Variants in RAPGEF6 observed in about 807,000 individuals in gnomAD.
The protein encoded by RAPGEF6 is Rap guanine nucleotide exchange factor 6.
A neutral mutation model predicts 171.4 loss-of-function variants in RAPGEF6; 56 were observed. That is an observed-to-expected ratio of 0.33 (90% CI 0.26 to 0.41). The LOEUF is 0.41. Ranked by LOEUF, RAPGEF6 falls within the 10% of genes least tolerant of loss-of-function variation. RAPGEF6 has a pLI of 1.00. For synonymous variants in RAPGEF6, 692 were observed against 650.1 expected (o/e 1.06, Z -0.98); for missense variants, 1,674 against 1,921.4 (o/e 0.87, Z 2.41).
intron 16 of RAPGEF6, among the ~76,000 whole-genome samples, chr5:131,477,460 T>C (rs898619645): frequency 6.6e-6 from 1 of 152,354 alleles, no homozygotes; most frequent in African/African-American, 2.4e-5. Flanking sequence ...TAAGCAAAAC[T>C]ATTTTTACCA....
chr5:131,521,265 T>G (rs1276560755), intron 7 of RAPGEF6, 125 bp downstream of exon 7: 1 of 1,031,582 alleles, frequency 9.7e-7, no homozygotes, highest in East Asian at 2.9e-5. Context: ...AAAGCTTATT[T>G]TTCTAAAGAC....
intron 24 of RAPGEF6, chr5:131,436,423 A>G (rs1390514727): frequency 2.1e-6 from 3 of 1,458,882 alleles, no homozygotes; most frequent in Admixed American, 2.2e-5. Context: ...GTCAATCACA[A>G]TTAGCCTTGT....
chr5:131,511,860 GA>G (rs1388299694), intron 7 of RAPGEF6, among the ~76,000 whole-genome samples: 1 of 152,078 alleles, frequency 6.6e-6, no homozygotes, highest in African/African-American at 2.4e-5. Context: ...ATTACAGTGG[GA>G]AACAGTGCCC....
At position 131,455,798 on chromosome 5, in the gene RAPGEF6, T is replaced by C; in HGVS notation, c.3076+3A>G. On this transcript the variant is annotated splice_donor_region_variant and intron_variant, in intron 20 of 27. Coordinates refer to ENST00000509018, the MANE Select transcript of RAPGEF6 (RefSeq NM_016340.6). ...AAAACATCAATAAATAATGTTTTCA[T>C]ACCTTCATGTAGAAATGTCATATCT... 1.2e-6 allele frequency: 2 copies of C among 1,606,632 alleles called. No homozygotes were observed. The highest frequency in any genetic ancestry group is 1.7e-6 in the Non-Finnish European group (2 of 1,174,182).
intron 6 of RAPGEF6, among the ~76,000 whole-genome samples, chr5:131,529,502 G>C (rs1561539395): frequency 6.6e-6 from 1 of 150,432 alleles, no homozygotes; most frequent in African/African-American, 2.5e-5. Context: ...TCTCACAACT[G>C]AAGACGAAAG....
intron 15 of RAPGEF6, among the ~76,000 whole-genome samples, chr5:131,482,850 T>C (rs1755581741): frequency 6.6e-6 from 1 of 152,228 alleles, no homozygotes; most frequent in Non-Finnish European, 1.5e-5. Context: ...GGATGAGTAA[T>C]CTTAGGTAGA....
chr5:131,468,185 A>C (rs1338344332), intron 17 of RAPGEF6, among the ~76,000 whole-genome samples: 2 of 151,698 alleles, frequency 1.3e-5, no homozygotes, highest in African/African-American at 4.8e-5. Context: ...CAAAAAAATT[A>C]GCTGGGCGTG....
At chr5:131,516,069 T>C (rs1415733931) in intron 7 of RAPGEF6, among the ~76,000 whole-genome samples, 6 of 5,894 alleles carry the variant, frequency 1.0e-3, no homozygotes, top group African/African-American at 4.1e-3. Context: ...TTTTTTTTTT[T>C]TTTTTTTTTT....
intron 15 of RAPGEF6, among the ~76,000 whole-genome samples, chr5:131,485,998 A>G (rs1022747188): frequency 1.3e-5 from 2 of 152,310 alleles, no homozygotes; most frequent in Non-Finnish European, 1.5e-5. Flanking sequence ...TATCCTCTAA[A>G]GAACATATTT....
At position 131,585,301 on chromosome 5, in the gene RAPGEF6, C is replaced by CT. The variant is rs1273834719; in HGVS notation, c.281+7081_281+7082insA. 5.2e-3 allele frequency among the ~76,000 whole-genome samples: 754 copies of CT among 143,634 alleles called. 9 individuals are homozygous for CT. Among genetic ancestry groups the CT allele is most frequent in the African/African-American group, 4.1e-3 (143 of 35,226 alleles). The allele number at this position is 143,634 out of a possible 152,430, so 94.2% of individuals were successfully genotyped here. A position where few individuals can be genotyped will look rare whatever the true frequency, so the allele number is the denominator to read the frequency against. ...AAAAAAAAAAAACTATACATACATA[C>CT]ATACATACATACATACATACATACA... On this transcript the variant is annotated intron_variant, in intron 4 of 27. Coordinates refer to ENST00000509018, the MANE Select transcript of RAPGEF6 (RefSeq NM_016340.6).
intron 1 of RAPGEF6, among the ~76,000 whole-genome samples, chr5:131,621,798 T>C (rs562079694): frequency 6.6e-6 from 1 of 152,240 alleles, no homozygotes; most frequent in South Asian, 2.1e-4. Context: ...CTCACAGATA[T>C]GGAGGGCCAA....
rs1397261166 is a variant in RAPGEF6, at chr5:131,536,584, T to C, written c.495+11463A>G. Among the ~76,000 whole-genome samples, 4 of 152,098 alleles carry C rather than the reference T, an allele frequency of 2.6e-5. No homozygotes were observed. In the East Asian group the frequency reaches 7.7e-4, roughly 29 times the overall value. ...CTGGACACACATGCACTATGAAATA[T>C]GATCCACCCTTAGGGAGTAATAGAG... On this transcript the variant is annotated intron_variant, in intron 6 of 27. Transcript: ENST00000509018.
chr5:131,607,238 G>C (rs768312464), intron 1 of RAPGEF6, among the ~76,000 whole-genome samples: 1 of 152,178 alleles, frequency 6.6e-6, no homozygotes, highest in Non-Finnish European at 1.5e-5. Context: ...ACAGAATAAA[G>C]ACTAGTGCCA....
At chr5:131,505,222 C>T (rs1333404781) in intron 10 of RAPGEF6, 142 bp downstream of exon 10, 7 of 785,940 alleles carry the variant, frequency 8.9e-6, no homozygotes, top group Non-Finnish European at 1.2e-5. Flanking sequence ...GAGGCAGATA[C>T]AAAATCTACT....
Position 131,512,374 on chromosome 5 carries a change from C to CTTCTTT in RAPGEF6, c.628-1884_628-1883insAAAGAA, listed in dbSNP as rs1554077431. Among the ~76,000 whole-genome samples the CTTCTTT allele has an allele frequency of 4.2e-5, 6 of 143,772 alleles. 1 individual carries two copies. The highest frequency in any genetic ancestry group is 1.0e-4 in the African/African-American group (4 of 39,420). The allele number at this position is 143,772 out of a possible 152,430, so 94.3% of individuals were successfully genotyped here. A position where few individuals can be genotyped will look rare whatever the true frequency, so the allele number is the denominator to read the frequency against. On this transcript the variant is annotated intron_variant, in intron 7 of 27. Transcript: ENST00000509018. ...CTTTTGGCTTTACATTTTTTTTCTT[C>CTTCTTT]TTTTTTTTTTTTTTAAAGACAGGGT...
intron 5 of RAPGEF6, among the ~76,000 whole-genome samples, chr5:131,557,416 T>C (rs1010565917): frequency 1.8e-4 from 27 of 152,240 alleles, no homozygotes; most frequent in African/African-American, 6.0e-4. Flanking sequence ...TTTTTATGTA[T>C]GAACGAGTAT....
chr5:131,625,153 T>C (rs1195016064), intron 1 of RAPGEF6, among the ~76,000 whole-genome samples: 5 of 152,116 alleles, frequency 3.3e-5, no homozygotes, highest in African/African-American at 9.7e-5. Context: ...TCCCAGCTAC[T>C]TGGGATGCTG....
chr5:131,440,068 C>G, intron 23 of RAPGEF6: 1 of 374,368 alleles, frequency 2.7e-6, no homozygotes, highest in African/African-American at 2.1e-5. Flanking sequence ...ACTCTTCCCT[C>G]CCCTCTAGAG....
At chr5:131,589,739 A>G (rs1386153117) in intron 4 of RAPGEF6, among the ~76,000 whole-genome samples, 1 of 152,184 alleles carries the variant, frequency 6.6e-6, no homozygotes, top group Non-Finnish European at 1.5e-5. Flanking sequence ...ACACTGCAGT[A>G]AGAAAGTCTT....
Sources: allele counts gnomAD v4.1 joint callset (sites outside exome capture counted in the v4.1 genomes callset), GRCh38; gene constraint gnomAD v4.1.1; transcripts MANE v1.5; gene names NCBI Gene and HGNC (gene_info 2026-07-23, HGNC 2026-07-21).